Variants in POGZ observed in about 807,000 individuals in gnomAD.
POGZ encodes pogo transposable element derived with ZNF domain, also known as pogo transposable element with ZNF domain.
Under a neutral mutation model 134.6 loss-of-function variants are expected in POGZ, and 17 were observed. The observed-to-expected ratio is 0.13, with a 90% CI of 0.09 to 0.19. The LOEUF (loss-of-function observed/expected upper bound fraction) is 0.19. POGZ is among the 10% of genes least tolerant of loss of function. The probability of loss-of-function intolerance (pLI) is 1.00; values close to 1 mark genes in which losing one functional copy is unlikely to be tolerated. For synonymous variants in POGZ, 693 were observed against 657.1 expected (o/e 1.05, Z -0.84); for missense variants, 1,306 against 1,769.7 (o/e 0.74, Z 4.70).
At chr1:151,419,694 A>AAC (rs1553221623) in intron 10 of POGZ, among the ~76,000 whole-genome samples, 5 of 150,108 alleles carry the variant, frequency 3.3e-5, no homozygotes, top group Non-Finnish European at 7.4e-5. Context: ...AAAAAAAAAA[A>AAC]ACTACTTTCA....
intron 10 of POGZ, among the ~76,000 whole-genome samples, chr1:151,420,504 G>T (rs145016747): frequency 1.3e-5 from 2 of 152,016 alleles, no homozygotes; most frequent in Admixed American, 6.6e-5. Flanking sequence ...TTGTAGAGAC[G>T]GGGTTTCTCC....
At chr1:151,411,024 T>G (rs1328904284) in intron 12 of POGZ, among the ~76,000 whole-genome samples, 1 of 152,228 alleles carries the variant, frequency 6.6e-6, no homozygotes, top group African/African-American at 2.4e-5. Flanking sequence ...TTTCCCTAAC[T>G]GTAGTCTCAA....
chr1:151,438,304 T>A (rs889968367), intron 3 of POGZ, among the ~76,000 whole-genome samples: 6 of 152,090 alleles, frequency 3.9e-5, no homozygotes, highest in African/African-American at 2.4e-5. Flanking sequence ...GTAAAATAAA[T>A]TAGACAACTG....
intron 1 of POGZ, among the ~76,000 whole-genome samples, chr1:151,452,136 G>A (rs989666571): frequency 7.3e-5 from 11 of 150,482 alleles, no homozygotes; most frequent in African/African-American, 2.2e-4. Flanking sequence ...AATGTTGGCC[G>A]GGCATGGTGG....
chr1:151,428,430 A>G lies in POGZ; in HGVS notation c.569-17T>C. 1 of 1,610,770 alleles carries G rather than the reference A, an allele frequency of 6.2e-7. No homozygotes were observed. Among genetic ancestry groups the G allele is most frequent in the Non-Finnish European group, 8.5e-7 (1 of 1,177,228 alleles). On this transcript the variant is annotated splice_polypyrimidine_tract_variant and intron_variant, in intron 5 of 18. Transcript: ENST00000271715. Reference sequence around the variant, plus strand: ...TACCTGGGGCTTTAAAAGAGAGACAAAGTACCAGATCTTGGTCAGTGAGCT... The same window carrying G: ...TACCTGGGGCTTTAAAAGAGAGACAGAGTACCAGATCTTGGTCAGTGAGCT...
Position 151,447,501 on chromosome 1 carries a change from G to C in POGZ, c.-1-5296C>G, listed in dbSNP as rs115792027. ...GTGAGATGTGGTCTCATCCAGGCTG[G>C]AGTACAGTGGCACAATCTCAGCTCA... On this transcript the variant is annotated intron_variant, in intron 1 of 18. Transcript: ENST00000271715. 8.0e-3 allele frequency among the ~76,000 whole-genome samples: 1,220 copies of C among 151,646 alleles called. 5 individuals are homozygous for C. Among genetic ancestry groups the C allele is most frequent in the Non-Finnish European group, 0.013 (913 of 67,942 alleles).
chr1:151,420,332 T>C (rs1198519173), intron 10 of POGZ, among the ~76,000 whole-genome samples: 3 of 152,172 alleles, frequency 2.0e-5, no homozygotes. Context: ...TTCTTTGTTT[T>C]TTGAGACAGA....
chr1:151,457,758 C>T (rs1662945849), intron 1 of POGZ, among the ~76,000 whole-genome samples: 2 of 152,050 alleles, frequency 1.3e-5, no homozygotes, highest in African/African-American at 4.8e-5. Context: ...GAAACCTCGT[C>T]CCTACTAAAA....
intron 5 of POGZ, 129 bp from the exon 6 acceptor site, chr1:151,428,542 T>C (rs1289885919): frequency 1.2e-5 from 10 of 828,100 alleles, no homozygotes; most frequent in Admixed American, 2.3e-5. Context: ...AAGAGGAGTA[T>C]AGATTCTAAA....
Position 151,459,159 on chromosome 1 carries a change from G to A in POGZ, c.-9C>T, listed in dbSNP as rs1274747687. ...GCTCGCTCGCTCACTCACCTCCTGTGGTCGTCGCCGCCGGTAGTCTGACCC... is the reference window on the plus strand; with the variant it reads ...GCTCGCTCGCTCACTCACCTCCTGTAGTCGTCGCCGCCGGTAGTCTGACCC... On this transcript the variant is annotated 5_prime_UTR_variant, in exon 1 of 19. Coordinates refer to ENST00000271715, the MANE Select transcript of POGZ (RefSeq NM_015100.4). The A allele has an allele frequency of 6.6e-6, 1 of 151,612 alleles. No homozygotes were observed. The highest frequency in any genetic ancestry group is 1.5e-5 in the Non-Finnish European group (1 of 67,786). The allele number at this position is 151,612 out of a possible 1,614,324, so 9.4% of individuals were successfully genotyped here.
Position 151,440,972 on chromosome 1 carries a change from T to C in POGZ, c.239A>G (p.Asp80Gly), listed in dbSNP as rs778632246. 4 of 1,614,074 alleles carry C rather than the reference T, an allele frequency of 2.5e-6. No individual in the cohort carries two copies. The highest frequency in any genetic ancestry group is 3.4e-6 in the Non-Finnish European group (4 of 1,179,934). Residue 80 changes from aspartate to glycine, a missense_variant, in exon 3 of 19, where the codon GAC becomes GGC. By Grantham distance (94) the Asp-to-Gly change is moderately conservative. Around this residue, in one of 10 missense-constraint regions of POGZ, gnomAD observed 541 missense variants for 680.5 expected, o/e 0.80. Transcript: ENST00000271715. ...TGTGACAAGAGTCTTCTTTGTACTG[T>C]CGCTGTTCTGTGCCCCGCTGCTACT... Reference protein sequence around the residue: ...TVSSSGAQNSDSTKKTLVTLI... With the variant: ...TVSSSGAQNSGSTKKTLVTLI...
At chr1:151,452,851 G>A (rs984210410) in intron 1 of POGZ, among the ~76,000 whole-genome samples, 1 of 151,516 alleles carries the variant, frequency 6.6e-6, no homozygotes, top group Non-Finnish European at 1.5e-5. Flanking sequence ...GCAACAGAGC[G>A]AGACTCTGTC....
intron 10 of POGZ, among the ~76,000 whole-genome samples, chr1:151,413,649 T>C (rs1382815151): frequency 2.9e-5 from 3 of 101,732 alleles, no homozygotes; most frequent in Non-Finnish European, 5.8e-5. Context: ...AAAGTTGAAA[T>C]AATTCTTTTT....
chr1:151,413,539 A>G (rs1316039421), intron 10 of POGZ, among the ~76,000 whole-genome samples: 1 of 152,220 alleles, frequency 6.6e-6, no homozygotes, highest in Non-Finnish European at 1.5e-5. Context: ...AGTTTTTGCA[A>G]ATATGAAAAC....
intron 7 of POGZ, chr1:151,426,939 G>T (rs1271736824): frequency 6.6e-6 from 1 of 152,076 alleles, no homozygotes; most frequent in Admixed American, 6.6e-5. Flanking sequence ...TTGAGACAGG[G>T]TGTCGTTCTG....
At chr1:151,423,840 A>T in intron 9 of POGZ, 109 bp downstream of exon 9, 1 of 811,680 alleles carries the variant, frequency 1.2e-6, no homozygotes, top group Non-Finnish European at 1.9e-6. Context: ...AACCCCAGCA[A>T]GACTGCATAG....
At chr1:151,457,505 A>C (rs1662912432) in intron 1 of POGZ, among the ~76,000 whole-genome samples, 1 of 152,226 alleles carries the variant, frequency 6.6e-6, no homozygotes, top group Admixed American at 6.5e-5. Context: ...CGATTGTGCT[A>C]ACAGTTCGAA....
At chr1:151,433,693 G>A (rs113404534) in intron 3 of POGZ, among the ~76,000 whole-genome samples, 14 of 150,840 alleles carry the variant, frequency 9.3e-5, no homozygotes, top group East Asian at 5.8e-4. Flanking sequence ...GATTCACAAT[G>A]CAATGGAAAG....
Position 151,406,849 on chromosome 1 carries a change from C to T in POGZ, c.2545+62G>A, listed in dbSNP as rs41314025. 1.4e-3 allele frequency: 1,789 copies of T among 1,275,508 alleles called. 4 individuals are homozygous for T. The highest frequency in any genetic ancestry group is 1.9e-3 in the Non-Finnish European group (1,645 of 875,300). The allele number at this position is 1,275,508 out of a possible 1,614,324, so 79.0% of individuals were successfully genotyped here. ...CAAGTAGGTATGCTCCTGATGCATA[C>T]AGTACGAACCTGTATCTTTTTTCCT... is the stretch of plus-strand genomic sequence containing the variant. On this transcript the variant is annotated intron_variant, in intron 17 of 18. Coordinates refer to ENST00000271715, the MANE Select transcript of POGZ (RefSeq NM_015100.4).
Sources: gnomAD v4.1 joint callset for allele counts (sites outside exome capture counted in the v4.1 genomes callset) on GRCh38, gnomAD v4.1.1 for gene constraint, gnomAD v4.1.1 regional missense constraint, MANE v1.5 for transcripts, NCBI Gene and HGNC (gene_info 2026-07-23, HGNC 2026-07-21) for gene names.